The following B3GALT1 variants were observed in gnomAD, a reference collection of about 807,000 sequenced individuals.
B3GALT1 encodes the protein UDP-Gal:betaGlcNAc beta 1,3-galactosyltransferase, polypeptide 1.
Under a neutral mutation model 23.2 loss-of-function variants are expected in B3GALT1, and 10 were observed. The observed-to-expected ratio is 0.43, with a 90% CI of 0.27 to 0.73. The LOEUF (loss-of-function observed/expected upper bound fraction) is 0.73. B3GALT1 is among the 30% of genes least tolerant of loss of function. B3GALT1 has a pLI of 0.21. For synonymous variants in B3GALT1, 156 were observed against 141.5 expected, an observed-to-expected ratio of 1.10 and a Z score of -0.73; for missense variants, 299 against 405.4, an observed-to-expected ratio of 0.74 and a Z score of 2.25.
intron 3 of B3GALT1, among the ~76,000 whole-genome samples, chr2:167,674,626 A>G (rs1346344425): frequency 6.6e-6 from 1 of 152,218 alleles, no homozygotes; most frequent in Non-Finnish European, 1.5e-5. Flanking sequence ...GGAGCCTATT[A>G]CATCCTGTTT....
rs1337646856 is a variant in B3GALT1, at chr2:167,873,695, A to G, written c.*3675A>G. 1 of 152,224 alleles carries G rather than the reference A, an allele frequency of 6.6e-6. No individual in the cohort carries two copies. Among genetic ancestry groups the G allele is most frequent in the Non-Finnish European group, 1.5e-5 (1 of 68,044 alleles). 9.4% of individuals were successfully genotyped at this position (152,224 alleles called of 1,614,324 possible). On this transcript the variant is annotated 3_prime_UTR_variant, in exon 5 of 5. Coordinates refer to ENST00000392690, the MANE Select transcript of B3GALT1 (RefSeq NM_020981.4). Reference sequence around the variant, plus strand: ...ATAATTGACATTTAGGTATAACGTCATATATGAATGATTGTATTTATGTAT... The same window carrying G: ...ATAATTGACATTTAGGTATAACGTCGTATATGAATGATTGTATTTATGTAT...
intron 2 of B3GALT1, among the ~76,000 whole-genome samples, chr2:167,581,230 G>T (rs1684478242): frequency 6.6e-6 from 1 of 152,128 alleles, no homozygotes; most frequent in Non-Finnish European, 1.5e-5. Flanking sequence ...CATGTCCAAA[G>T]CATGCACACA....
At chr2:167,706,509 C>CGCA (rs533667525) in intron 3 of B3GALT1, among the ~76,000 whole-genome samples, 74 of 152,160 alleles carry the variant, frequency 4.9e-4, no homozygotes, top group Non-Finnish European at 8.2e-4. Context: ...CAAGAGCTGC[C>CGCA]ATTCCTCTTT....
chr2:167,816,471 T>C (rs1453136400), intron 3 of B3GALT1, among the ~76,000 whole-genome samples: 1 of 152,108 alleles, frequency 6.6e-6, no homozygotes, highest in African/African-American at 2.4e-5. Flanking sequence ...GGTTTGGTTA[T>C]TTTTCACTCA....
chr2:167,782,286 G>T (rs1412396483), intron 3 of B3GALT1, among the ~76,000 whole-genome samples: 1 of 152,186 alleles, frequency 6.6e-6, no homozygotes, highest in Non-Finnish European at 1.5e-5. Flanking sequence ...GAACGGCGAT[G>T]CCCCTGGTGA....
chr2:167,841,415 G>A (rs1689647464), intron 4 of B3GALT1, among the ~76,000 whole-genome samples: 2 of 152,070 alleles, frequency 1.3e-5, no homozygotes, highest in Admixed American at 1.3e-4. Flanking sequence ...CGAAAATTTG[G>A]GTTGGTGCCT....
Position 167,440,364 on chromosome 2 carries a change from A to G in B3GALT1, c.-510-49813A>G, listed in dbSNP as rs920913310. 2.8e-5 allele frequency among the ~76,000 whole-genome samples: 4 copies of G among 144,866 alleles called. No homozygotes were observed. The East Asian group carries it at 5.9e-4, about 21-fold the overall frequency. ...TGTCTGAAAAAAAAAAAAAAAAAAA[A>G]GAAATAATTTAAAATGTTCATAAAC... On this transcript the variant is annotated intron_variant, in intron 1 of 4. Transcript: ENST00000392690.
chr2:167,529,795 G>A (rs1160904421), intron 2 of B3GALT1, among the ~76,000 whole-genome samples: 2 of 151,622 alleles, frequency 1.3e-5, no homozygotes, highest in Non-Finnish European at 2.9e-5. Context: ...TACCCCTCTG[G>A]TACAAGCCAC....
intron 3 of B3GALT1, among the ~76,000 whole-genome samples, chr2:167,763,377 TAAA>T (rs949197368): frequency 1.8e-4 from 28 of 152,268 alleles, no homozygotes; most frequent in African/African-American, 6.7e-4. Flanking sequence ...AGTTTATCAA[TAAA>T]AAAGTAAACA....
chr2:167,718,075 A>G (rs950318962), intron 3 of B3GALT1, among the ~76,000 whole-genome samples: 1 of 152,214 alleles, frequency 6.6e-6, no homozygotes, highest in Non-Finnish European at 1.5e-5. Context: ...GAAGGCAGAA[A>G]TGCAGAGCAT....
intron 1 of B3GALT1, among the ~76,000 whole-genome samples, chr2:167,486,057 G>A (rs1272932931): frequency 6.6e-6 from 1 of 152,128 alleles, no homozygotes; most frequent in African/African-American, 2.4e-5. Context: ...AGTCTTAAGT[G>A]CAAATATTTA....
At chr2:167,448,522 C>G (rs942335636) in intron 1 of B3GALT1, among the ~76,000 whole-genome samples, 2 of 152,094 alleles carry the variant, frequency 1.3e-5, no homozygotes, top group African/African-American at 4.8e-5. Context: ...CGTCCTTTGT[C>G]AGATGTATAG....
At chr2:167,808,250 T>G (rs1325135074) in intron 3 of B3GALT1, among the ~76,000 whole-genome samples, 3 of 151,020 alleles carry the variant, frequency 2.0e-5, no homozygotes, top group Admixed American at 6.6e-5. Flanking sequence ...TCTTGACTCT[T>G]TATCCAATTT....
chr2:167,548,124 T>G (rs1227134), intron 2 of B3GALT1, among the ~76,000 whole-genome samples: 152,272 of 152,310 alleles, frequency 1, 76,117 homozygotes, highest in Middle Eastern at 1. Flanking sequence ...ATCAGTTAAA[T>G]AATTTAGCCC....
chr2:167,802,603 T>C (rs912844145), intron 3 of B3GALT1, among the ~76,000 whole-genome samples: 2 of 152,236 alleles, frequency 1.3e-5, no homozygotes, highest in Non-Finnish European at 2.9e-5. Flanking sequence ...ACATTTCATC[T>C]TAATATAACC....
intron 2 of B3GALT1, among the ~76,000 whole-genome samples, chr2:167,506,276 T>C (rs1422714132): frequency 6.6e-6 from 1 of 152,194 alleles, no homozygotes; most frequent in Non-Finnish European, 1.5e-5. Context: ...TTTTTCACCA[T>C]TGTATCAATG....
intron 2 of B3GALT1, among the ~76,000 whole-genome samples, chr2:167,518,506 T>G (rs1367971425): frequency 2.0e-5 from 3 of 152,170 alleles, no homozygotes; most frequent in Admixed American, 2.0e-4. Context: ...CAAGTAATAC[T>G]GAATACTGAA....
chr2:167,616,256 A>T (rs1036843745), intron 2 of B3GALT1, among the ~76,000 whole-genome samples: 6 of 152,062 alleles, frequency 3.9e-5, no homozygotes, highest in African/African-American at 1.4e-4. Flanking sequence ...TTATGTTGAT[A>T]GATAAGTACA....
intron 2 of B3GALT1, among the ~76,000 whole-genome samples, chr2:167,552,597 A>T (rs193075493): frequency 1.3e-4 from 20 of 152,242 alleles, no homozygotes; most frequent in Non-Finnish European, 1.8e-4. Flanking sequence ...TGTTACTATT[A>T]TTAACACTTT....
Sources: allele counts gnomAD v4.1 joint callset (sites outside exome capture counted in the v4.1 genomes callset), GRCh38; gene constraint gnomAD v4.1.1; transcripts MANE v1.5; gene names NCBI Gene and HGNC (gene_info 2026-07-23, HGNC 2026-07-21).